The following ABHD6 variants were observed in gnomAD, a reference collection of about 807,000 sequenced individuals.
ABHD6 encodes monoacylglycerol lipase ABHD6.
Under a neutral mutation model 38.8 loss-of-function variants are expected in ABHD6, and 33 were observed. The observed-to-expected ratio is 0.85, with a 90% CI of 0.64 to 1.14. ABHD6 has a LOEUF of 1.14. Among genes scored for constraint, ABHD6 ranks in the 50% most tolerant of loss-of-function variants. The probability of loss-of-function intolerance (pLI) is 0.00; values close to 1 mark genes in which losing one functional copy is unlikely to be tolerated. For synonymous variants in ABHD6, 147 were observed against 161.6 expected (o/e 0.91, Z 0.69); for missense variants, 380 against 422.6 (o/e 0.90, Z 0.88).
rs1475177550 is a variant in ABHD6 at position 58,285,341 on chromosome 3, T to C, written c.737-12T>C. ...CCAGCACATACTCACTTTGTTTTCC[T>C]TTTCTGACAAGTGTTTTTGGAAATC... On this transcript the variant is annotated splice_polypyrimidine_tract_variant and intron_variant, in intron 8 of 9. Transcript: ENST00000478253. The surrounding 1 kb of genome is among the most constrained non-coding windows in gnomAD (Gnocchi z 4.9). 9 of 1,613,100 alleles carry C rather than the reference T, an allele frequency of 5.6e-6. No homozygotes were observed. Among genetic ancestry groups the C allele is most frequent in the Non-Finnish European group, 6.8e-6 (8 of 1,179,122 alleles).
rs2097465329 is a variant in ABHD6, at chr3:58,293,867, G to A, written c.*102G>A. On this transcript the variant is annotated 3_prime_UTR_variant, in exon 10 of 10. Transcript: ENST00000478253. This position sits in a 1 kb window ranked among gnomAD's most constrained non-coding sequence, Gnocchi z 4.4. ...GGATCCTGCCCCAAATGCGGTCGGAGCGCCAGTGACCCTGAGGAAGCCCGT... is the reference window on the plus strand; with the variant it reads ...GGATCCTGCCCCAAATGCGGTCGGAACGCCAGTGACCCTGAGGAAGCCCGT... 2 of 1,378,990 alleles carry A rather than the reference G, an allele frequency of 1.5e-6. No homozygotes were observed. Among genetic ancestry groups the A allele is most frequent in the East Asian group, 4.7e-5 (2 of 42,338 alleles). The allele number at this position is 1,378,990 out of a possible 1,614,324, so 85.4% of individuals were successfully genotyped here. A position where few individuals can be genotyped will look rare whatever the true frequency, so the allele number is the denominator to read the frequency against.
chr3:58,274,887 T>C (rs2097447733), intron 7 of ABHD6, 72 bp downstream of exon 7: 4 of 1,522,634 alleles, frequency 2.6e-6, no homozygotes, highest in Non-Finnish European at 3.6e-6. Context: ...TTCCTGCACG[T>C]ATTCCCTCCT....
chr3:58,274,305 C>G (rs1312293314), intron 6 of ABHD6, among the ~76,000 whole-genome samples: 1 of 152,216 alleles, frequency 6.6e-6, no homozygotes, highest in Non-Finnish European at 1.5e-5. Flanking sequence ...GGCTAACCCT[C>G]CTTAAATTCT....
intron 2 of ABHD6, among the ~76,000 whole-genome samples, chr3:58,252,774 A>G (rs546908145): frequency 6.6e-5 from 10 of 152,232 alleles, no homozygotes; most frequent in African/African-American, 2.2e-4. Flanking sequence ...ATAATGCTTC[A>G]GTTTGTTCTG....
intron 5 of ABHD6, among the ~76,000 whole-genome samples, chr3:58,270,687 C>T (rs1464704877): frequency 2.0e-5 from 3 of 151,982 alleles, no homozygotes; most frequent in Admixed American, 2.0e-4. Flanking sequence ...TTTGCTGACT[C>T]ATTAATTAGC....
rs938089753 is a variant in ABHD6, at chr3:58,293,336, G to A, written c.838-253G>A. Among the ~76,000 whole-genome samples the A allele has an allele frequency of 1.3e-5, 2 of 152,182 alleles. No individual in the cohort carries two copies. Among genetic ancestry groups the A allele is most frequent in the Non-Finnish European group, 2.9e-5 (2 of 68,038 alleles). ...CATAACCTCCTCAAGGGCAAGGAAC[G>A]TTTGTTTTCTACCTCAGTATTGCTG... On this transcript the variant is annotated intron_variant, in intron 9 of 9. Coordinates refer to ENST00000478253, the MANE Select transcript of ABHD6 (RefSeq NM_001320126.2). The surrounding 1 kb of genome is among the most constrained non-coding windows in gnomAD (Gnocchi z 4.4).
rs1288257951 is a variant in ABHD6 at position 58,251,534 on chromosome 3, T to C, written c.-26+1592T>C. 6.6e-6 allele frequency among the ~76,000 whole-genome samples: 1 copy of C among 152,210 alleles called. No homozygotes were observed. The highest frequency in any genetic ancestry group is 1.5e-5 in the Non-Finnish European group (1 of 68,040). On this transcript the variant is annotated intron_variant, in intron 2 of 9. Coordinates refer to ENST00000478253, the MANE Select transcript of ABHD6 (RefSeq NM_001320126.2). The surrounding 1 kb of genome is among the most constrained non-coding windows in gnomAD (Gnocchi z 5.4). ...GATGTGCCTTACTCCTAACCCCAGA[T>C]TAAACTTCATTTCCCTGATGTAATG...
intron 7 of ABHD6, among the ~76,000 whole-genome samples, chr3:58,279,758 T>A (rs1239650773): frequency 6.6e-6 from 1 of 152,204 alleles, no homozygotes; most frequent in African/African-American, 2.4e-5. Flanking sequence ...TAGTGCTTCC[T>A]TCAGGAGCTC....
rs115539748 is a variant in ABHD6 at position 58,258,530 on chromosome 3, C to G, written c.119+1825C>G. On this transcript the variant is annotated intron_variant, in intron 3 of 9. Transcript: ENST00000478253. ...TTCATTGCCTTTTCATGCCACTGTC[C>G]AATTATCAAATGAAATTGCCCTTCC... 2,717 of 295,800 alleles carry G rather than the reference C, an allele frequency of 9.2e-3. 16 individuals carry two copies. Among genetic ancestry groups the G allele is most frequent in the Non-Finnish European group, 0.014 (2,064 of 143,150 alleles). 18.3% of individuals were successfully genotyped at this position (295,800 alleles called of 1,614,324 possible).
In ABHD6 at chr3:58,267,468, C is replaced by G; in HGVS notation, c.276+123C>G. On this transcript the variant is annotated intron_variant, in intron 4 of 9. Transcript: ENST00000478253. This position sits in a 1 kb window ranked among gnomAD's most constrained non-coding sequence, Gnocchi z 4.3. ...TTGCTTGAGTCCAGGAGTTCAAAACCAGCCTGGACAACATAAAGAAACCCT... is the reference window on the plus strand; with the variant it reads ...TTGCTTGAGTCCAGGAGTTCAAAACGAGCCTGGACAACATAAAGAAACCCT... The G allele has an allele frequency of 1.6e-6, 2 of 1,234,416 alleles. No individual in the cohort carries two copies. Among genetic ancestry groups the G allele is most frequent in the Non-Finnish European group, 2.3e-6 (2 of 879,938 alleles). 76.5% of individuals were successfully genotyped at this position (1,234,416 alleles called of 1,614,324 possible). A position where few individuals can be genotyped will look rare whatever the true frequency, so the allele number is the denominator to read the frequency against.
rs1214549441 is a variant in ABHD6, at chr3:58,281,693, G to A, written c.682-3392G>A. Among the ~76,000 whole-genome samples, 3 of 152,346 alleles carry A rather than the reference G, an allele frequency of 2.0e-5. No homozygotes were observed. The East Asian group carries it at 5.8e-4, about 29-fold the overall frequency. On this transcript the variant is annotated intron_variant, in intron 7 of 9. Coordinates refer to ENST00000478253, the MANE Select transcript of ABHD6 (RefSeq NM_001320126.2). ...TTCTGCGTTGATCACGCTGGATGCC[G>A]CAGACCGGAGCTGTTCCTATTCGGC...
chr3:58,279,048 G>T (rs1191683230), intron 7 of ABHD6, among the ~76,000 whole-genome samples: 6 of 152,186 alleles, frequency 3.9e-5, no homozygotes, highest in African/African-American at 1.4e-4. Context: ...GAATAAGTGT[G>T]ATGTGGTGCT....
intron 9 of ABHD6, among the ~76,000 whole-genome samples, chr3:58,290,324 G>C (rs1249453894): frequency 3.5e-5 from 5 of 142,510 alleles, no homozygotes; most frequent in South Asian, 2.3e-4. Context: ...TCCCGGACGG[G>C]GCGGCTGGCC....
chr3:58,267,477 C>A lies in ABHD6; in HGVS notation c.276+132C>A. 4 of 1,165,546 alleles carry A rather than the reference C, an allele frequency of 3.4e-6. No individual in the cohort carries two copies. Among genetic ancestry groups the A allele is most frequent in the Non-Finnish European group, 4.9e-6 (4 of 823,030 alleles). 72.2% of individuals were successfully genotyped at this position (1,165,546 alleles called of 1,614,324 possible). A position where few individuals can be genotyped will look rare whatever the true frequency, so the allele number is the denominator to read the frequency against. On this transcript the variant is annotated intron_variant, in intron 4 of 9. Coordinates refer to ENST00000478253, the MANE Select transcript of ABHD6 (RefSeq NM_001320126.2). This position sits in a 1 kb window ranked among gnomAD's most constrained non-coding sequence, Gnocchi z 4.3. ...TCCAGGAGTTCAAAACCAGCCTGGA[C>A]AACATAAAGAAACCCTGTCTCTACA...
intron 1 of ABHD6, among the ~76,000 whole-genome samples, chr3:58,239,800 G>A (rs1214969807): frequency 2.0e-5 from 3 of 151,794 alleles, no homozygotes; most frequent in Admixed American, 1.3e-4. Flanking sequence ...TATCCTGGGG[G>A]CGAGAAGTTA....
In ABHD6 at chr3:58,287,956, T is replaced by C. The variant is rs1396519850; in HGVS notation, c.837+2503T>C. Among the ~76,000 whole-genome samples, 1 of 152,198 alleles carries C rather than the reference T, an allele frequency of 6.6e-6. No homozygotes were observed. Among genetic ancestry groups the C allele is most frequent in the African/African-American group, 2.4e-5 (1 of 41,442 alleles). Reference sequence around the variant, plus strand: ...GTTGCAAAAAAGTTAGGTTAGCTGGTATTAGATTAGACTGCTCATGTCCTT... The same window carrying C: ...GTTGCAAAAAAGTTAGGTTAGCTGGCATTAGATTAGACTGCTCATGTCCTT... On this transcript the variant is annotated intron_variant, in intron 9 of 9. Transcript: ENST00000478253. The surrounding 1 kb of genome is among the most constrained non-coding windows in gnomAD (Gnocchi z 4.7).
intron 1 of ABHD6, among the ~76,000 whole-genome samples, chr3:58,240,887 C>G (rs887736687): frequency 6.6e-6 from 1 of 151,990 alleles, no homozygotes; most frequent in Non-Finnish European, 1.5e-5. Flanking sequence ...TGCACAAGCA[C>G]GCCTGGCTAA....
At position 58,267,105 on chromosome 3, in the gene ABHD6, T is replaced by C; in HGVS notation, c.120-84T>C. The C allele has an allele frequency of 7.0e-7, 1 of 1,434,114 alleles. No individual in the cohort carries two copies. Among genetic ancestry groups the C allele is most frequent in the Non-Finnish European group, 9.6e-7 (1 of 1,040,570 alleles). 88.8% of individuals were successfully genotyped at this position (1,434,114 alleles called of 1,614,324 possible). A position where few individuals can be genotyped will look rare whatever the true frequency, so the allele number is the denominator to read the frequency against. ...GTTTGTGTTATCACTAAGGAAGACT[T>C]ATAGAGAGGACCTGTGCCCATCTTG... On this transcript the variant is annotated intron_variant, in intron 3 of 9. Coordinates refer to ENST00000478253, the MANE Select transcript of ABHD6 (RefSeq NM_001320126.2). This position sits in a 1 kb window ranked among gnomAD's most constrained non-coding sequence, Gnocchi z 4.3.
At position 58,257,380 on chromosome 3, in the gene ABHD6, T is replaced by A. The variant is rs2097434138; in HGVS notation, c.119+675T>A. On this transcript the variant is annotated intron_variant, in intron 3 of 9. Coordinates refer to ENST00000478253, the MANE Select transcript of ABHD6 (RefSeq NM_001320126.2). The surrounding 1 kb of genome is among the most constrained non-coding windows in gnomAD (Gnocchi z 4.8). The stretch of plus-strand genomic sequence containing the variant: ...TTTTGGGTTTTTGTTTGGTTTTTTT[T>A]TTGAAACAGTCTCCCTCTGTCACCT... Among the ~76,000 whole-genome samples, 1 of 66,324 alleles carries A rather than the reference T, an allele frequency of 1.5e-5. No homozygotes were observed. Among genetic ancestry groups the A allele is most frequent in the African/African-American group, 1.2e-4 (1 of 8,314 alleles). The allele number at this position is 66,324 out of a possible 152,430, so 43.5% of individuals were successfully genotyped here.
Sources: gnomAD v4.1 joint callset for allele counts (sites outside exome capture counted in the v4.1 genomes callset) on GRCh38, gnomAD v4.1.1 for gene constraint, Gnocchi (gnomAD v3.1) non-coding constraint, MANE v1.5 for transcripts, NCBI Gene and HGNC (gene_info 2026-07-23, HGNC 2026-07-21) for gene names.